Variants in RNLS observed in about 807,000 individuals in gnomAD.
RNLS encodes renalase.
A neutral mutation model predicts 39.8 loss-of-function variants in RNLS; 39 were observed. The ratio of observed to expected loss-of-function variants is 0.98; its 90% CI spans 0.76 to 1.28. RNLS has a LOEUF of 1.28. Ranked by LOEUF, RNLS falls within the 50% of genes most tolerant of loss-of-function variation. The pLI is 0.00. For synonymous variants in RNLS, 147 were observed against 150.7 expected (o/e 0.98, Z 0.18); for missense variants, 410 against 413.3 (o/e 0.99, Z 0.07).
chr10:88,393,443 T>C (rs1852343624), intron 4 of RNLS, among the ~76,000 whole-genome samples: 1 of 152,078 alleles, frequency 6.6e-6, no homozygotes, highest in Admixed American at 6.6e-5. Flanking sequence ...CCATTCACAA[T>C]TGCTTCAAAG....
the RNLS span, among the ~76,000 whole-genome samples, chr10:88,244,821 G>C: frequency 6.6e-6 from 1 of 151,990 alleles, no homozygotes; most frequent in Non-Finnish European, 1.5e-5. Flanking sequence ...CCAACTGAGA[G>C]ACTTTACAGC....
the RNLS span, among the ~76,000 whole-genome samples, chr10:88,176,505 T>C: frequency 6.6e-6 from 1 of 152,224 alleles, no homozygotes; most frequent in African/African-American, 2.4e-5. Flanking sequence ...ATTTAATTCA[T>C]TTACATTCAA....
At chr10:88,395,004 G>A (rs534662153) in intron 4 of RNLS, among the ~76,000 whole-genome samples, 1 of 152,074 alleles carries the variant, frequency 6.6e-6, no homozygotes, top group East Asian at 1.9e-4. Context: ...GAGAACACAT[G>A]TACACAGGAA....
chr10:88,468,577 T>C (rs1220294636), intron 4 of RNLS, among the ~76,000 whole-genome samples: 1 of 149,268 alleles, frequency 6.7e-6, no homozygotes, highest in Non-Finnish European at 1.5e-5. Flanking sequence ...GGATGTGTCC[T>C]TTACTGGGAC....
At chr10:88,417,081 T>C (rs932555693) in intron 4 of RNLS, among the ~76,000 whole-genome samples, 3 of 152,240 alleles carry the variant, frequency 2.0e-5, no homozygotes, top group Non-Finnish European at 4.4e-5. Flanking sequence ...GAATCTGGCC[T>C]TCCTAGACTT....
intron 4 of RNLS, among the ~76,000 whole-genome samples, chr10:88,539,480 T>A (rs1047001119): frequency 2.6e-5 from 4 of 152,170 alleles, no homozygotes; most frequent in African/African-American, 9.7e-5. Context: ...AACTTTTCCA[T>A]GGGACACCAA....
downstream of RNLS, among the ~76,000 whole-genome samples, chr10:88,270,404 G>C (rs1159350872): frequency 6.6e-6 from 1 of 152,110 alleles, no homozygotes; most frequent in Non-Finnish European, 1.5e-5. Flanking sequence ...AGGCAATTTA[G>C]GGGACAAGTC....
rs151067503 is a variant in RNLS, at chr10:88,514,981, G to A, written c.526+57922C>T. Among the ~76,000 whole-genome samples the A allele has an allele frequency of 1.4e-3, 219 of 152,126 alleles. 2 individuals carry two copies. Among genetic ancestry groups the A allele is most frequent in the African/African-American group, 5.1e-3 (211 of 41,532 alleles). ...CTCCATATTGTTTTCCATAGTGGCTGTTCATTCTACATTCTTACCAACAAG... is the reference window on the plus strand; with the variant it reads ...CTCCATATTGTTTTCCATAGTGGCTATTCATTCTACATTCTTACCAACAAG... On this transcript the variant is annotated intron_variant, in intron 4 of 6. Coordinates refer to ENST00000331772, the MANE Select transcript of RNLS (RefSeq NM_001031709.3).
the RNLS span, among the ~76,000 whole-genome samples, chr10:88,223,964 A>ATCCTTGAG: frequency 6.6e-6 from 1 of 151,962 alleles, no homozygotes; most frequent in Non-Finnish European, 1.5e-5. Context: ...GTTGGTATAA[A>ATCCTTGAG]TCCTTGAGTG....
At chr10:88,297,726 T>C (rs1844192703) in intron 6 of RNLS, among the ~76,000 whole-genome samples, 1 of 152,236 alleles carries the variant, frequency 6.6e-6, no homozygotes, top group Admixed American at 6.5e-5. Context: ...TATATATTGT[T>C]TATCCATTCA....
the RNLS span, among the ~76,000 whole-genome samples, chr10:88,172,243 C>T: frequency 2.6e-5 from 4 of 152,082 alleles, no homozygotes; most frequent in South Asian, 4.1e-4. Context: ...TTTTGAGGGA[C>T]GTCCATACTG....
intron 5 of RNLS, among the ~76,000 whole-genome samples, chr10:88,323,406 A>G (rs1039769278): frequency 1.3e-5 from 2 of 152,212 alleles, no homozygotes; most frequent in African/African-American, 4.8e-5. Flanking sequence ...ACAAAAACAG[A>G]CAAAGATCAA....
At chr10:88,340,190 G>A (rs1462747138) in intron 5 of RNLS, among the ~76,000 whole-genome samples, 3 of 152,168 alleles carry the variant, frequency 2.0e-5, no homozygotes, top group Non-Finnish European at 4.4e-5. Flanking sequence ...CCAAGCACAG[G>A]ATAAAAATCC....
At chr10:88,556,817 T>C (rs903022937) in intron 4 of RNLS, among the ~76,000 whole-genome samples, 4 of 152,154 alleles carry the variant, frequency 2.6e-5, no homozygotes, top group Admixed American at 6.6e-5. Flanking sequence ...TACAAGAGTA[T>C]TCCTTGTCAT....
At chr10:88,325,056 G>A (rs555654175) in intron 5 of RNLS, among the ~76,000 whole-genome samples, 2 of 152,246 alleles carry the variant, frequency 1.3e-5, no homozygotes, top group East Asian at 1.9e-4. Context: ...TTCAATGGAC[G>A]CTTGAGTTGC....
intron 4 of RNLS, among the ~76,000 whole-genome samples, chr10:88,419,925 G>A (rs768570458): frequency 5.3e-5 from 8 of 151,882 alleles, no homozygotes; most frequent in Non-Finnish European, 7.4e-5. Flanking sequence ...CAGGTGAATC[G>A]CTTGAACCTG....
chr10:88,453,036 G>A (rs1842441761), intron 4 of RNLS, among the ~76,000 whole-genome samples: 1 of 152,198 alleles, frequency 6.6e-6, no homozygotes, highest in African/African-American at 2.4e-5. Flanking sequence ...GATAGTGGAG[G>A]AGAAGGATAA....
chr10:88,474,292 A>G (rs903303019), intron 4 of RNLS, among the ~76,000 whole-genome samples: 1 of 152,184 alleles, frequency 6.6e-6, no homozygotes, highest in Non-Finnish European at 1.5e-5. Flanking sequence ...TTCTGAATCC[A>G]TTATTAAATT....
chr10:88,449,683 G>C (rs529900378), intron 4 of RNLS, among the ~76,000 whole-genome samples: 1 of 151,990 alleles, frequency 6.6e-6, no homozygotes, highest in Non-Finnish European at 1.5e-5. Context: ...CTGCCCTAAG[G>C]AATCTTAAAT....
Sources: gnomAD v4.1 joint callset for allele counts (sites outside exome capture counted in the v4.1 genomes callset) on GRCh38, gnomAD v4.1.1 for gene constraint, MANE v1.5 for transcripts, NCBI Gene and HGNC (gene_info 2026-07-23, HGNC 2026-07-21) for gene names.